NKAIN2: variants seen among roughly 807,000 people sequenced by gnomAD.
NKAIN2 encodes the protein sodium/potassium transporting ATPase interacting 2.
A neutral mutation model predicts 32.6 loss-of-function variants in NKAIN2; 14 were observed. That is an observed-to-expected ratio of 0.43 (90% CI 0.28 to 0.67). The LOEUF is 0.67. NKAIN2 is among the 30% of genes least tolerant of loss of function. The pLI is 0.17. For synonymous variants in NKAIN2, 80 were observed against 87.2 expected (o/e 0.92, Z 0.46); for missense variants, 198 against 258.3 (o/e 0.77, Z 1.60).
chr6:124,676,174 G>A (rs1773346831), intron 4 of NKAIN2, among the ~76,000 whole-genome samples: 1 of 151,844 alleles, frequency 6.6e-6, no homozygotes, highest in Admixed American at 6.6e-5. Flanking sequence ...TCATTCCATT[G>A]TGGTCAGAAA....
chr6:124,415,108 G>T (rs565719747), intron 3 of NKAIN2, among the ~76,000 whole-genome samples: 3 of 152,228 alleles, frequency 2.0e-5, no homozygotes, highest in African/African-American at 7.2e-5. Flanking sequence ...ACAACAGCTG[G>T]GTATCATTTA....
chr6:124,681,361 A>C (rs1773611312), intron 4 of NKAIN2, among the ~76,000 whole-genome samples: 1 of 152,008 alleles, frequency 6.6e-6, no homozygotes, highest in Admixed American at 6.6e-5. Context: ...TATAAATCAC[A>C]CATCTAACTG....
At chr6:124,566,785 A>G (rs926112900) in intron 3 of NKAIN2, among the ~76,000 whole-genome samples, 1 of 152,168 alleles carries the variant, frequency 6.6e-6, no homozygotes, top group African/African-American at 2.4e-5. Flanking sequence ...GTACTAAAAA[A>G]ACCTTAATTT....
chr6:124,506,472 G>C (rs1244542564), intron 3 of NKAIN2, among the ~76,000 whole-genome samples: 1 of 152,208 alleles, frequency 6.6e-6, no homozygotes, highest in Non-Finnish European at 1.5e-5. Context: ...CGAACGGTCA[G>C]TGAGTTGAAG....
intron 1 of NKAIN2, among the ~76,000 whole-genome samples, chr6:124,030,638 T>G (rs1422642489): frequency 6.6e-6 from 1 of 152,212 alleles, no homozygotes; most frequent in Non-Finnish European, 1.5e-5. Context: ...TAAGATGGGA[T>G]GCCAGTTAAG....
At chr6:124,532,769 A>T (rs1779571475) in intron 3 of NKAIN2, among the ~76,000 whole-genome samples, 1 of 152,174 alleles carries the variant, frequency 6.6e-6, no homozygotes, top group Admixed American at 6.5e-5. Flanking sequence ...CCTGGGAGCT[A>T]CAGCTGCTGG....
chr6:124,287,764 A>T (rs1313205080), intron 2 of NKAIN2, among the ~76,000 whole-genome samples: 1 of 152,164 alleles, frequency 6.6e-6, no homozygotes, highest in African/African-American at 2.4e-5. Flanking sequence ...GTGATCTGAG[A>T]TATCCAGTGT....
chr6:124,424,915 T>C (rs1774917067), intron 3 of NKAIN2, among the ~76,000 whole-genome samples: 1 of 152,206 alleles, frequency 6.6e-6, no homozygotes, highest in Admixed American at 6.5e-5. Context: ...TTCCTTTGAA[T>C]ATATACCCAG....
At chr6:124,239,025 A>T (rs1792932736) in intron 1 of NKAIN2, among the ~76,000 whole-genome samples, 1 of 152,202 alleles carries the variant, frequency 6.6e-6, no homozygotes, top group African/African-American at 2.4e-5. Flanking sequence ...CCCATCTCAC[A>T]TGCAAAGACA....
intron 1 of NKAIN2, among the ~76,000 whole-genome samples, chr6:124,061,335 C>A (rs1782909883): frequency 6.6e-6 from 1 of 151,964 alleles, no homozygotes; most frequent in Non-Finnish European, 1.5e-5. Context: ...ATTATATAAT[C>A]TTTTTTATTA....
intron 3 of NKAIN2, among the ~76,000 whole-genome samples, chr6:124,629,107 T>G (rs1322597704): frequency 1.3e-5 from 2 of 152,138 alleles, no homozygotes; most frequent in African/African-American, 4.8e-5. Flanking sequence ...TCTCCCATCT[T>G]TTTCCCTGAG....
chr6:124,554,621 T>C (rs564877272), intron 3 of NKAIN2, among the ~76,000 whole-genome samples: 11 of 152,390 alleles, frequency 7.2e-5, no homozygotes, highest in Admixed American at 4.6e-4. Flanking sequence ...TTTTTATAAT[T>C]GATCCCAACT....
At chr6:124,331,196 A>G (rs550319816) in intron 2 of NKAIN2, among the ~76,000 whole-genome samples, 43 of 152,046 alleles carry the variant, frequency 2.8e-4, no homozygotes, top group African/African-American at 8.9e-4. Flanking sequence ...ATTTAGAGTT[A>G]GGATCTACTG....
intron 1 of NKAIN2, among the ~76,000 whole-genome samples, chr6:124,169,851 G>T (rs996589907): frequency 2.0e-5 from 3 of 152,108 alleles, no homozygotes; most frequent in Non-Finnish European, 4.4e-5. Flanking sequence ...CACTTATTCA[G>T]AAATCGCAGA....
chr6:123,910,505 T>G (rs1344811865), intron 1 of NKAIN2, among the ~76,000 whole-genome samples: 1 of 127,082 alleles, frequency 7.9e-6, no homozygotes, highest in African/African-American at 3.3e-5. Flanking sequence ...GCATGTTTTT[T>G]TTTTTTTTTT....
At chr6:124,166,717 G>C (rs1017381055) in intron 1 of NKAIN2, among the ~76,000 whole-genome samples, 2 of 151,826 alleles carry the variant, frequency 1.3e-5, no homozygotes, top group Non-Finnish European at 1.5e-5. Context: ...AAGGGATCCA[G>C]TTTCAGCTTT....
intron 4 of NKAIN2, among the ~76,000 whole-genome samples, chr6:124,751,040 A>C: frequency 6.6e-6 from 1 of 152,054 alleles, no homozygotes; most frequent in East Asian, 1.9e-4. Flanking sequence ...ATACAGTAAG[A>C]AATACTGTAG....
At chr6:124,277,940 A>G (rs985085627) in intron 1 of NKAIN2, among the ~76,000 whole-genome samples, 10 of 152,102 alleles carry the variant, frequency 6.6e-5, no homozygotes, top group African/African-American at 2.4e-4. Context: ...CTCAAAATCT[A>G]CATATAAGTT....
chr6:124,791,627 A>G (rs997715349), intron 5 of NKAIN2, among the ~76,000 whole-genome samples: 10 of 152,078 alleles, frequency 6.6e-5, no homozygotes, highest in African/African-American at 2.4e-4. Flanking sequence ...TTCATTGAAA[A>G]CCTTTTAAAA....
Sources: gnomAD v4.1 joint callset for allele counts (sites outside exome capture counted in the v4.1 genomes callset) on GRCh38, gnomAD v4.1.1 for gene constraint, MANE v1.5 for transcripts, NCBI Gene and HGNC (gene_info 2026-07-23, HGNC 2026-07-21) for gene names.